The following ARFGAP3 variants were observed in gnomAD, a reference collection of about 807,000 sequenced individuals.
ARFGAP3 encodes the protein ADP-ribosylation factor GTPase-activating protein 3.
Under a neutral mutation model 75.0 loss-of-function variants are expected in ARFGAP3, and 72 were observed. That is an observed-to-expected ratio of 0.96 (90% CI 0.79 to 1.17). The LOEUF is 1.17. ARFGAP3 is among the 50% of genes most tolerant of loss of function. The pLI is 0.00. For synonymous variants in ARFGAP3, 221 were observed against 217.9 expected, an observed-to-expected ratio of 1.01 and a Z score of -0.13; for missense variants, 620 against 626.6, an observed-to-expected ratio of 0.99 and a Z score of 0.11.
At chr22:42,827,254 A>G in intron 6 of ARFGAP3, 1 of 224,278 alleles carries the variant, frequency 4.5e-6, no homozygotes, top group South Asian at 1.6e-4. Flanking sequence ...ATACGATTCA[A>G]AATTCTACCT....
rs565793487 is a variant in ARFGAP3, at chr22:42,857,222, G to C, written c.-40C>G. ...CGCGGCGCAGCTGGCCCAGCCAACCGGTAAGAGTCGACGAAAAGCGGCTAC... is the reference window on the plus strand; with the variant it reads ...CGCGGCGCAGCTGGCCCAGCCAACCCGTAAGAGTCGACGAAAAGCGGCTAC... On this transcript the variant is annotated 5_prime_UTR_variant, in exon 1 of 16. Transcript: ENST00000263245. The C allele has an allele frequency of 7.3e-6, 11 of 1,497,124 alleles. No individual in the cohort carries two copies. Among genetic ancestry groups the C allele is most frequent in the Admixed American group, 2.2e-5 (1 of 45,490 alleles). The allele number at this position is 1,497,124 out of a possible 1,614,324, so 92.7% of individuals were successfully genotyped here.
At chr22:42,833,686 G>A (rs544755608) in intron 5 of ARFGAP3, among the ~76,000 whole-genome samples, 3 of 152,280 alleles carry the variant, frequency 2.0e-5, no homozygotes, top group African/African-American at 7.2e-5. Flanking sequence ...AACCCAGGAG[G>A]CGGAGATTGC....
rs1602097117 is a variant in ARFGAP3, at chr22:42,810,703, G to C, written c.1196+110C>G. ...TAAAGTGCTGGGATTATGGGAATGA[G>C]CCGCCGTGCCCAGCCCCTTACAAGG... On this transcript the variant is annotated intron_variant, in intron 12 of 15. Transcript: ENST00000263245. The C allele has an allele frequency of 2.7e-5, 24 of 902,336 alleles. No homozygotes were observed. In the East Asian group the frequency reaches 5.6e-4, roughly 21 times the overall value. The allele number at this position is 902,336 out of a possible 1,614,324, so 55.9% of individuals were successfully genotyped here. A position where few individuals can be genotyped will look rare whatever the true frequency, so the allele number is the denominator to read the frequency against.
At chr22:42,844,697 G>A (rs35343665) in intron 2 of ARFGAP3, among the ~76,000 whole-genome samples, 8,405 of 151,904 alleles carry the variant, frequency 0.055, 319 homozygotes, top group Non-Finnish European at 0.085. Context: ...CACTATGTCC[G>A]GCCCCTCAGT....
chr22:42,857,244 C>T lies in ARFGAP3; in HGVS notation c.-62G>A. The T allele has an allele frequency of 2.0e-6, 3 of 1,486,978 alleles. No homozygotes were observed. The highest frequency in any genetic ancestry group is 1.3e-5 in the South Asian group (1 of 78,948). 92.1% of individuals were successfully genotyped at this position (1,486,978 alleles called of 1,614,324 possible). A position where few individuals can be genotyped will look rare whatever the true frequency, so the allele number is the denominator to read the frequency against. ...ACCGGTAAGAGTCGACGAAAAGCGG[C>T]TACCGCCTCAGCAGGAGCGACGAGG... is the stretch of plus-strand genomic sequence containing the variant. On this transcript the variant is annotated 5_prime_UTR_variant, in exon 1 of 16. Transcript: ENST00000263245.
chr22:42,840,728 T>C (rs1395084726), intron 3 of ARFGAP3, among the ~76,000 whole-genome samples: 1 of 152,054 alleles, frequency 6.6e-6, no homozygotes, highest in Non-Finnish European at 1.5e-5. Context: ...CACACCTGAC[T>C]TGTTTGTTTT....
intron 3 of ARFGAP3, among the ~76,000 whole-genome samples, chr22:42,840,408 T>G (rs1057295541): frequency 3.9e-5 from 6 of 151,982 alleles, no homozygotes; most frequent in Non-Finnish European, 7.4e-5. Context: ...AGTATTGAAC[T>G]CTTTTTGTTT....
chr22:42,835,067 T>C (rs1926457376), intron 4 of ARFGAP3, among the ~76,000 whole-genome samples: 1 of 152,206 alleles, frequency 6.6e-6, no homozygotes, highest in Non-Finnish European at 1.5e-5. Flanking sequence ...AAAGGTGTCT[T>C]TAAATAGAAA....
intron 9 of ARFGAP3, among the ~76,000 whole-genome samples, chr22:42,821,922 C>T (rs1225152463): frequency 6.6e-6 from 1 of 152,144 alleles, no homozygotes; most frequent in East Asian, 1.9e-4. Flanking sequence ...ATTATAGCTT[C>T]CCTAGAGAGT....
chr22:42,803,039 G>A (rs1453555530), intron 14 of ARFGAP3, among the ~76,000 whole-genome samples: 3 of 151,954 alleles, frequency 2.0e-5, no homozygotes, highest in Non-Finnish European at 2.9e-5. Flanking sequence ...TCTGTTGCCC[G>A]GGCTGGAGTA....
At chr22:42,798,425 G>A (rs963936667) in intron 15 of ARFGAP3, among the ~76,000 whole-genome samples, 5 of 152,200 alleles carry the variant, frequency 3.3e-5, no homozygotes, top group East Asian at 1.9e-4. Context: ...ATAGCCTGAC[G>A]TAAACAAGAA....
At chr22:42,850,298 G>A (rs923007879) in intron 1 of ARFGAP3, among the ~76,000 whole-genome samples, 2 of 152,020 alleles carry the variant, frequency 1.3e-5, no homozygotes, top group Admixed American at 6.6e-5. Flanking sequence ...TAGGCTGGGT[G>A]CAGTGGCTCA....
At chr22:42,803,855 A>C (rs1026660523) in intron 14 of ARFGAP3, among the ~76,000 whole-genome samples, 1 of 151,686 alleles carries the variant, frequency 6.6e-6, no homozygotes, top group African/African-American at 2.4e-5. Flanking sequence ...TAAGGAACAC[A>C]GAACTGATTG....
At chr22:42,853,053 C>T (rs1018499925) in intron 1 of ARFGAP3, among the ~76,000 whole-genome samples, 12 of 152,320 alleles carry the variant, frequency 7.9e-5, no homozygotes, top group South Asian at 6.2e-4. Flanking sequence ...CGTGAGCCAC[C>T]GCGCCCGGCC....
chr22:42,822,687 C>T (rs1223327102), intron 8 of ARFGAP3, among the ~76,000 whole-genome samples: 2 of 152,188 alleles, frequency 1.3e-5, no homozygotes, highest in Non-Finnish European at 2.9e-5. Flanking sequence ...CGTGTAGCCT[C>T]CAGTATACTT....
At position 42,817,217 on chromosome 22, in the gene ARFGAP3, T is replaced by A; in HGVS notation, c.989A>T (p.Glu330Val). The A allele has an allele frequency of 6.2e-6, 10 of 1,613,740 alleles. No homozygotes were observed. Among genetic ancestry groups the A allele is most frequent in the Non-Finnish European group, 8.5e-6 (10 of 1,179,782 alleles). ...VTSDMQTIEQ[E>V]SPIMAKPRKK... ...TCTTGGTTTTGCCATAATGGGTGAT[T>A]CCTGCTCTATGGTCTGCATATCTGA... The change falls in exon 11 of 16, where the codon GAA (glutamate) becomes GTA (valine). Residue 330 changes from glutamate to valine, a missense_variant. Glu to Val is a moderately radical substitution (Grantham distance 121, BLOSUM62 -2). Coordinates refer to ENST00000263245, the MANE Select transcript of ARFGAP3 (RefSeq NM_014570.5).
chr22:42,851,544 G>A (rs1927277288), intron 1 of ARFGAP3, among the ~76,000 whole-genome samples: 1 of 152,232 alleles, frequency 6.6e-6, no homozygotes, highest in Non-Finnish European at 1.5e-5. Context: ...TGCACATGGT[G>A]GAGCAGTTTA....
At chr22:42,816,398 G>C (rs1201146551) in intron 11 of ARFGAP3, among the ~76,000 whole-genome samples, 4 of 152,160 alleles carry the variant, frequency 2.6e-5, no homozygotes, top group Non-Finnish European at 2.9e-5. Flanking sequence ...TCTGGCCCCT[G>C]GGCCCATATT....
intron 3 of ARFGAP3, among the ~76,000 whole-genome samples, chr22:42,837,416 T>C (rs1926565373): frequency 6.6e-6 from 1 of 151,732 alleles, no homozygotes; most frequent in Non-Finnish European, 1.5e-5. Context: ...AGCCTAGGAG[T>C]TCGAGACCAG....
Sources: gnomAD v4.1 joint callset for allele counts (sites outside exome capture counted in the v4.1 genomes callset) on GRCh38, gnomAD v4.1.1 for gene constraint, MANE v1.5 for transcripts, NCBI Gene and HGNC (gene_info 2026-07-23, HGNC 2026-07-21) for gene names.